SLC17A4: variants seen among roughly 807,000 people sequenced by gnomAD.
The protein encoded by SLC17A4 is probable small intestine urate exporter.
In SLC17A4, 33 loss-of-function variants were observed where a neutral mutation model predicts 52.5. The observed-to-expected ratio is 0.63, with a 90% CI of 0.48 to 0.84. SLC17A4 has a LOEUF of 0.84. Among genes scored for constraint, SLC17A4 ranks in the 40% least tolerant of loss-of-function variants. The pLI is 0.00. For synonymous variants in SLC17A4, 225 were observed against 216.2 expected (o/e 1.04, Z -0.36); for missense variants, 585 against 597.1 (o/e 0.98, Z 0.21).
At chr6:25,775,314 A>G (rs1762813458) in intron 8 of SLC17A4, among the ~76,000 whole-genome samples, 1 of 139,470 alleles carries the variant, frequency 7.2e-6, no homozygotes, top group Admixed American at 7.6e-5. Context: ...CCTGGGCAAC[A>G]AGAGCTAAAC....
intron 2 of SLC17A4, 54 bp from the exon 3 acceptor site, chr6:25,768,931 G>A: frequency 6.7e-7 from 1 of 1,494,716 alleles, no homozygotes; most frequent in Non-Finnish European, 9.3e-7. Context: ...CAGACTTAGG[G>A]AGAGTGGGAG....
At chr6:25,775,998 C>G (rs775236878) in intron 8 of SLC17A4, among the ~76,000 whole-genome samples, 1 of 151,982 alleles carries the variant, frequency 6.6e-6, no homozygotes. Context: ...TTTGTGCAAC[C>G]CTCTGTGGAG....
intron 1 of SLC17A4, 106 bp from the exon 2 acceptor site, chr6:25,761,821 A>G: frequency 1.6e-6 from 1 of 629,446 alleles, no homozygotes; most frequent in Non-Finnish European, 2.7e-6. Flanking sequence ...ACCCTAATCT[A>G]CCACTTTTCT....
intron 11 of SLC17A4, among the ~76,000 whole-genome samples, chr6:25,778,334 C>G (rs370661121): frequency 2.6e-5 from 4 of 151,718 alleles, no homozygotes; most frequent in African/African-American, 9.7e-5. Flanking sequence ...AATGACTTTC[C>G]TGTGGTTTTT....
At chr6:25,775,741 T>C (rs1314822682) in intron 8 of SLC17A4, among the ~76,000 whole-genome samples, 1 of 152,196 alleles carries the variant, frequency 6.6e-6, no homozygotes, top group Admixed American at 6.5e-5. Flanking sequence ...ATTTCCTATA[T>C]ATATTCTTTC....
intron 2 of SLC17A4, among the ~76,000 whole-genome samples, chr6:25,765,241 A>G (rs1335291823): frequency 1.3e-5 from 2 of 152,282 alleles, no homozygotes; most frequent in African/African-American, 4.8e-5. Flanking sequence ...ATAACAGTTC[A>G]TTATATAGCT....
Position 25,770,050 on chromosome 6 carries a change from C to T in SLC17A4, c.298-17C>T. 6.2e-7 allele frequency: 1 copy of T among 1,603,436 alleles called. No homozygotes were observed. Among genetic ancestry groups the T allele is most frequent in the Non-Finnish European group, 8.5e-7 (1 of 1,170,628 alleles). Reference sequence around the variant, plus strand: ...TCCTTCAACTAAAGACAAACAGTAACTCTCTTTGTCATCTAGGCCCCTGCA... The same window carrying T: ...TCCTTCAACTAAAGACAAACAGTAATTCTCTTTGTCATCTAGGCCCCTGCA... On this transcript the variant is annotated splice_polypyrimidine_tract_variant and intron_variant, in intron 3 of 11. Transcript: ENST00000377905.
chr6:25,769,053 C>G lies in SLC17A4; in HGVS notation c.160C>G (p.Gln54Glu), dbSNP rs948510343. 21 of 1,613,958 alleles carry G rather than the reference C, an allele frequency of 1.3e-5. No homozygotes were observed. The highest frequency in any genetic ancestry group is 5.3e-5 in the African/African-American group (4 of 74,900). Reference protein sequence around the residue: ...QLCNFSIYTQQMNLSIAIPAM... With the variant: ...QLCNFSIYTQEMNLSIAIPAM... ...CTGTAATTTTTCAATTTACACCCAA[C>G]AAATGAACTTGAGCATTGCCATCCC... Residue 54 changes from glutamine to glutamate, a missense_variant, in exon 3 of 12, where the codon CAA becomes GAA. By Grantham distance (29) the Gln-to-Glu change is conservative (BLOSUM62 2). Transcript: ENST00000377905.
At chr6:25,766,369 C>T (rs989338423) in intron 2 of SLC17A4, among the ~76,000 whole-genome samples, 10 of 151,968 alleles carry the variant, frequency 6.6e-5, no homozygotes, top group Non-Finnish European at 1.5e-4. Flanking sequence ...CCTATTTATC[C>T]TGTGCAGAAG....
In SLC17A4 at chr6:25,770,144, A is replaced by T; in HGVS notation, c.375A>T (p.Pro125=). The change falls in exon 4 of 12, where the codon CCA becomes CCT. Residue 125 remains proline (P), a synonymous_variant. Transcript: ENST00000377905. The stretch of plus-strand genomic sequence containing the variant: ...TCAACTATGGCTCATTCTTGGCTCC[A>T]ATCCCCAGTGGCTATGTGGCTGGAA... ...SSLNYGSFLA[P]IPSGYVAGIF... 1 of 1,614,066 alleles carries T rather than the reference A, an allele frequency of 6.2e-7. No homozygotes were observed. The highest frequency in any genetic ancestry group is 1.1e-5 in the South Asian group (1 of 91,078).
Position 25,764,185 on chromosome 6 carries a change from G to C in SLC17A4, c.91+2132G>C, listed in dbSNP as rs1761804078. On this transcript the variant is annotated intron_variant, in intron 2 of 11. Coordinates refer to ENST00000377905, the MANE Select transcript of SLC17A4 (RefSeq NM_005495.3). Reference sequence around the variant, plus strand: ...AGTGGTTTCTCATTGAGTTCGGCCTGCCACCTTGGGCCAGAATGCCCTCAT... The same window carrying C: ...AGTGGTTTCTCATTGAGTTCGGCCTCCCACCTTGGGCCAGAATGCCCTCAT... 1.3e-5 allele frequency among the ~76,000 whole-genome samples: 2 copies of C among 152,134 alleles called. 1 individual carries two copies. The highest frequency in any genetic ancestry group is 4.1e-4 in the South Asian group (2 of 4,824).
In SLC17A4 at chr6:25,760,948, T is replaced by G. The variant is rs1341694125; in HGVS notation, c.-36-979T>G. On this transcript the variant is annotated intron_variant, in intron 1 of 11. Transcript: ENST00000377905. ...GCAGTAGTTTAATTTTGCTACACATTGAGTCTGAAAACTTGTTTTGGATGG... is the reference window on the plus strand; with the variant it reads ...GCAGTAGTTTAATTTTGCTACACATGGAGTCTGAAAACTTGTTTTGGATGG... 2.6e-5 allele frequency among the ~76,000 whole-genome samples: 4 copies of G among 152,360 alleles called. No homozygotes were observed. In the South Asian group the frequency reaches 6.2e-4, roughly 24 times the overall value.
chr6:25,766,803 T>C (rs1458367498), intron 2 of SLC17A4, among the ~76,000 whole-genome samples: 1 of 152,214 alleles, frequency 6.6e-6, no homozygotes, highest in Non-Finnish European at 1.5e-5. Flanking sequence ...GACTACAAAG[T>C]ATTTAGAATA....
At position 25,756,997 on chromosome 6, in the gene SLC17A4, T is replaced by C. The variant is rs1031241771; in HGVS notation, c.-37+2216T>C. On this transcript the variant is annotated intron_variant, in intron 1 of 11. Transcript: ENST00000377905. The stretch of plus-strand genomic sequence containing the variant: ...AGCAAATTATTTTTCCAGCAGACTA[T>C]TCAGTCCCCTCATTTTACCAAGTTT... Among the ~76,000 whole-genome samples, 13 of 152,238 alleles carry C rather than the reference T, an allele frequency of 8.5e-5. No individual in the cohort carries two copies. In the East Asian group the frequency reaches 2.5e-3, roughly 29 times the overall value.
Position 25,769,185 on chromosome 6 carries a change from G to C in SLC17A4, c.292G>C (p.Ala98Pro). The C allele has an allele frequency of 6.2e-7, 1 of 1,613,600 alleles. No individual in the cohort carries two copies. The highest frequency in any genetic ancestry group is 1.3e-5 in the African/African-American group (1 of 75,016). ...YWNETLKEFKAMAPAYDWSPE... is the reference protein window; with the variant it reads ...YWNETLKEFKPMAPAYDWSPE... ...GAATGAAACTCTAAAAGAATTTAAA[G>C]CAATGGTAAGTTTAATGAGACTCTG... The change falls in exon 3 of 12, where the codon GCA (alanine) becomes CCA (proline). Residue 98 changes from alanine (A) to proline (P), a missense_variant. Coordinates refer to ENST00000377905, the MANE Select transcript of SLC17A4 (RefSeq NM_005495.3).
intron 2 of SLC17A4, among the ~76,000 whole-genome samples, chr6:25,762,418 C>T (rs3799340): frequency 0.32 from 48,377 of 151,978 alleles, 9,494 homozygotes; most frequent in South Asian, 0.45. Context: ...GACCTGACCC[C>T]GAACCCCAAA....
chr6:25,764,308 C>T (rs1201871721), intron 2 of SLC17A4, among the ~76,000 whole-genome samples: 1 of 152,114 alleles, frequency 6.6e-6, no homozygotes, highest in African/African-American at 2.4e-5. Flanking sequence ...GCACTGAGAA[C>T]AATATCAGGG....
At chr6:25,775,844 G>A (rs1012625683) in intron 8 of SLC17A4, among the ~76,000 whole-genome samples, 2 of 152,054 alleles carry the variant, frequency 1.3e-5, no homozygotes, top group Non-Finnish European at 2.9e-5. Flanking sequence ...GTAATATGCC[G>A]CTATGCTTAT....
chr6:25,770,230 T>C lies in SLC17A4; in HGVS notation c.461T>C (p.Phe154Ser), dbSNP rs768536621. Residue 154 changes from phenylalanine to serine, a missense_variant, in exon 4 of 12, where the codon TTC becomes TCC. Transcript: ENST00000377905. ...TTTATTTCCTCATTCCTGACCCTCT[T>C]CATTCCACTGGCAGCTAATGCGGGA... is the stretch of plus-strand genomic sequence containing the variant. ...GLFISSFLTL[F>S]IPLAANAGVA... 1.9e-6 allele frequency: 3 copies of C among 1,614,160 alleles called. No individual in the cohort carries two copies. The African/African-American group carries it at 4.0e-5, about 22-fold the overall frequency.
Sources: allele counts gnomAD v4.1 joint callset (sites outside exome capture counted in the v4.1 genomes callset), GRCh38; gene constraint gnomAD v4.1.1; transcripts MANE v1.5; gene names NCBI Gene and HGNC (gene_info 2026-07-23, HGNC 2026-07-21).